GPC5: variants seen among roughly 807,000 people sequenced by gnomAD.
GPC5 encodes glypican-5.
A neutral mutation model predicts 53.9 loss-of-function variants in GPC5; 47 were observed. The ratio of observed to expected loss-of-function variants is 0.87; its 90% CI spans 0.69 to 1.11. GPC5 has a LOEUF of 1.11. Among genes scored for constraint, GPC5 ranks in the 50% most tolerant of loss-of-function variants. The pLI is 0.00. For synonymous variants in GPC5, 286 were observed against 263.3 expected (o/e 1.09, Z -0.84); for missense variants, 748 against 713.1 (o/e 1.05, Z -0.56).
chr13:92,853,830 T>G (rs1878895045), intron 7 of GPC5, among the ~76,000 whole-genome samples: 3 of 151,998 alleles, frequency 2.0e-5, no homozygotes, highest in Non-Finnish European at 4.4e-5. Context: ...CCCAGCGAGA[T>G]GCCCAGCACA....
intron 2 of GPC5, among the ~76,000 whole-genome samples, chr13:91,487,733 ACTT>A (rs923757129): frequency 5.9e-5 from 9 of 152,198 alleles, no homozygotes; most frequent in African/African-American, 2.2e-4. Flanking sequence ...TATTATCTCT[ACTT>A]CTCCTTTATA....
At chr13:92,279,719 T>C (rs1054038433) in intron 7 of GPC5, among the ~76,000 whole-genome samples, 3 of 152,052 alleles carry the variant, frequency 2.0e-5, no homozygotes, top group Non-Finnish European at 4.4e-5. Flanking sequence ...TTGTGTTACA[T>C]TGATTACTTT....
In GPC5 at chr13:92,294,813, CT is replaced by C. The variant is rs1167990988; in HGVS notation, c.1561+149836del. On this transcript the variant is annotated intron_variant, in intron 7 of 7. Transcript: ENST00000377067. ...GATTATCTGTTTGTGCTGTTTCTTT[CT>C]TTTTTTTTTTTCTTTTTTTTTTTTT... Among the ~76,000 whole-genome samples, 216 of 103,952 alleles carry C rather than the reference CT, an allele frequency of 2.1e-3. 1 individual carries two copies. Among genetic ancestry groups the C allele is most frequent in the South Asian group, 0.01 (33 of 3,244 alleles). The allele number at this position is 103,952 out of a possible 152,430, so 68.2% of individuals were successfully genotyped here.
chr13:91,784,800 T>C (rs530895003), intron 5 of GPC5, among the ~76,000 whole-genome samples: 33 of 152,016 alleles, frequency 2.2e-4, no homozygotes, highest in Non-Finnish European at 4.6e-4. Flanking sequence ...TATAGCCATA[T>C]GTGATTTTTA....
intron 7 of GPC5, among the ~76,000 whole-genome samples, chr13:92,770,220 C>T (rs1442844146): frequency 6.6e-6 from 1 of 151,994 alleles, no homozygotes; most frequent in Non-Finnish European, 1.5e-5. Flanking sequence ...TCAAGACCAG[C>T]CTGGGCAATA....
At chr13:92,313,315 C>T (rs1211708657) in intron 7 of GPC5, among the ~76,000 whole-genome samples, 1 of 152,110 alleles carries the variant, frequency 6.6e-6, no homozygotes, top group Non-Finnish European at 1.5e-5. Flanking sequence ...ATATTGATTC[C>T]TGGGAACCAT....
At chr13:91,990,914 C>A (rs2040450574) in intron 6 of GPC5, among the ~76,000 whole-genome samples, 1 of 152,198 alleles carries the variant, frequency 6.6e-6, no homozygotes, top group African/African-American at 2.4e-5. Context: ...TTAATTAGAT[C>A]TCCCCCAAGT....
intron 2 of GPC5, among the ~76,000 whole-genome samples, chr13:91,524,124 T>C (rs1042344020): frequency 6.6e-6 from 1 of 152,128 alleles, no homozygotes; most frequent in South Asian, 2.1e-4. Context: ...GAATAAATCA[T>C]TTCTAAGGTC....
In GPC5 at chr13:92,463,014, A is replaced by G. The variant is rs930221409; in HGVS notation, c.1561+318025A>G. Among the ~76,000 whole-genome samples, 58 of 151,972 alleles carry G rather than the reference A, an allele frequency of 3.8e-4. 1 individual carries two copies. Among genetic ancestry groups the G allele is most frequent in the Non-Finnish European group, 8.8e-5 (6 of 67,992 alleles). ...GCACATACCCTGCAAGAGGACATCTATTTTTTTCCTATTTGCAGTGCCAGA... is the reference window on the plus strand; with the variant it reads ...GCACATACCCTGCAAGAGGACATCTGTTTTTTTCCTATTTGCAGTGCCAGA... On this transcript the variant is annotated intron_variant, in intron 7 of 7. Transcript: ENST00000377067.
chr13:92,116,299 TG>T (rs2041601222), intron 6 of GPC5, among the ~76,000 whole-genome samples: 1 of 151,318 alleles, frequency 6.6e-6, no homozygotes, highest in Non-Finnish European at 1.5e-5. Flanking sequence ...CAGGCACTTA[TG>T]GGGGGGATTG....
chr13:91,579,629 T>C (rs2351874), intron 2 of GPC5, among the ~76,000 whole-genome samples: 7,365 of 81,612 alleles, frequency 0.09, 160 homozygotes, highest in South Asian at 0.17. Flanking sequence ...TTTTTCTTTT[T>C]TTTTTTTTTT....
At chr13:92,520,222 C>T (rs1394206666) in intron 7 of GPC5, among the ~76,000 whole-genome samples, 1 of 152,132 alleles carries the variant, frequency 6.6e-6, no homozygotes, top group Non-Finnish European at 1.5e-5. Flanking sequence ...TGGTACCATT[C>T]CTTCTGAAAC....
At chr13:92,312,330 G>C (rs28665054) in intron 7 of GPC5, among the ~76,000 whole-genome samples, 30,388 of 151,712 alleles carry the variant, frequency 0.2, 3,172 homozygotes, top group South Asian at 0.36. Flanking sequence ...ACTGTTGAGT[G>C]GGGGGAAAAA....
chr13:91,818,217 C>T (rs968534275), intron 5 of GPC5, among the ~76,000 whole-genome samples: 79 of 152,242 alleles, frequency 5.2e-4, no homozygotes, highest in African/African-American at 1.9e-3. Context: ...ATTTTTTCCT[C>T]CTAAGAACTC....
At chr13:91,441,116 C>T (rs1289104326) in intron 1 of GPC5, among the ~76,000 whole-genome samples, 2 of 152,062 alleles carry the variant, frequency 1.3e-5, no homozygotes, top group African/African-American at 2.4e-5. Flanking sequence ...TTTCTTCCTT[C>T]AAATATTGAC....
intron 2 of GPC5, among the ~76,000 whole-genome samples, chr13:91,500,299 G>A (rs1294586230): frequency 6.6e-6 from 1 of 152,236 alleles, no homozygotes; most frequent in East Asian, 1.9e-4. Flanking sequence ...TGATGAGGAA[G>A]TAATGAATGT....
At chr13:92,458,025 A>G (rs980788694) in intron 7 of GPC5, among the ~76,000 whole-genome samples, 2 of 152,112 alleles carry the variant, frequency 1.3e-5, no homozygotes, top group Non-Finnish European at 1.5e-5. Flanking sequence ...TCTTCAAAGC[A>G]TTTCCAAAAA....
chr13:92,057,685 T>A (rs1411978734), intron 6 of GPC5, among the ~76,000 whole-genome samples: 1 of 152,166 alleles, frequency 6.6e-6, no homozygotes, highest in African/African-American at 2.4e-5. Context: ...TGCTGAAAGC[T>A]CTAAGTTGGT....
At chr13:92,527,657 G>A (rs1181144014) in intron 7 of GPC5, among the ~76,000 whole-genome samples, 2 of 152,118 alleles carry the variant, frequency 1.3e-5, no homozygotes, top group Non-Finnish European at 2.9e-5. Flanking sequence ...AAACAGCTTA[G>A]TTTATAAAGC....
Sources: allele counts gnomAD v4.1 joint callset (sites outside exome capture counted in the v4.1 genomes callset), GRCh38; gene constraint gnomAD v4.1.1; transcripts MANE v1.5; gene names NCBI Gene and HGNC (gene_info 2026-07-23, HGNC 2026-07-21).